The following HCRTR2 variants were observed in gnomAD, a reference collection of about 807,000 sequenced individuals.
HCRTR2 encodes the protein hypocretin receptor 2.
In HCRTR2, 22 loss-of-function variants were observed where a neutral mutation model predicts 49.0. The observed-to-expected ratio is 0.45, with a 90% CI of 0.32 to 0.64. The LOEUF (loss-of-function observed/expected upper bound fraction) is 0.64. HCRTR2 is among the 30% of genes least tolerant of loss of function. The pLI, the probability that HCRTR2 is intolerant of heterozygous loss-of-function variation, is 0.04. For synonymous variants in HCRTR2, 236 were observed against 205.3 expected (o/e 1.15, Z -1.28); for missense variants, 491 against 559.4 (o/e 0.88, Z 1.23).
intron 1 of HCRTR2, among the ~76,000 whole-genome samples, chr6:55,147,982 A>G (rs898555080): frequency 1.4e-5 from 2 of 148,130 alleles, no homozygotes; most frequent in African/African-American, 4.9e-5. Context: ...TGAAATCATG[A>G]TGGGAGGTAG....
At chr6:55,274,333 TTA>T (rs1226557752) in intron 4 of HCRTR2, among the ~76,000 whole-genome samples, 1 of 147,368 alleles carries the variant, frequency 6.8e-6, no homozygotes, top group Non-Finnish European at 1.5e-5. Context: ...ATATATATAC[TTA>T]TATATATATT....
intron 1 of HCRTR2, among the ~76,000 whole-genome samples, chr6:55,142,873 G>A (rs1484655233): frequency 1.3e-5 from 2 of 151,864 alleles, no homozygotes; most frequent in African/African-American, 4.8e-5. Flanking sequence ...AAAATTTAGG[G>A]TGAAGAAATA....
chr6:55,230,969 C>T (rs1264705781), intron 1 of HCRTR2, among the ~76,000 whole-genome samples: 1 of 151,964 alleles, frequency 6.6e-6, no homozygotes, highest in Non-Finnish European at 1.5e-5. Context: ...CTAATCTTTT[C>T]CATAATTAGC....
intron 1 of HCRTR2, among the ~76,000 whole-genome samples, chr6:55,166,517 A>G (rs1764880006): frequency 6.6e-6 from 1 of 152,026 alleles, no homozygotes; most frequent in Non-Finnish European, 1.5e-5. Flanking sequence ...ATGAAATATC[A>G]CTTTCCACCC....
At position 55,238,058 on chromosome 6, in the gene HCRTR2, T is replaced by C. The variant is rs148068283; in HGVS notation, c.224-10581T>C. 4.7e-4 allele frequency among the ~76,000 whole-genome samples: 71 copies of C among 152,272 alleles called. No homozygotes were observed. In the East Asian group the frequency reaches 0.014, roughly 29 times the overall value. ...TTATATCCCCTGGAGTATAGAACCA[T>C]AAATCTAAATGCCAACTGGGTATTG... On this transcript the variant is annotated intron_variant, in intron 1 of 6. Coordinates refer to ENST00000370862, the MANE Select transcript of HCRTR2 (RefSeq NM_001384272.1).
intron 1 of HCRTR2, among the ~76,000 whole-genome samples, chr6:55,244,901 C>T (rs796562485): frequency 2.7e-4 from 41 of 152,088 alleles, no homozygotes; most frequent in African/African-American, 9.9e-4. Context: ...TTTCCCAGCA[C>T]CATTTATTGA....
intron 1 of HCRTR2, among the ~76,000 whole-genome samples, chr6:55,132,710 A>G (rs1764375466): frequency 6.7e-6 from 1 of 149,716 alleles, no homozygotes; most frequent in African/African-American, 2.5e-5. Flanking sequence ...GTGGAGCCCT[A>G]CTCAGACCAA....
chr6:55,214,556 G>T (rs1309784936), intron 1 of HCRTR2, among the ~76,000 whole-genome samples: 1 of 151,568 alleles, frequency 6.6e-6, no homozygotes, highest in Non-Finnish European at 1.5e-5. Context: ...GTTCAGGCTG[G>T]ACTTGAACTA....
At chr6:55,181,873 T>A (rs1765139995) in intron 1 of HCRTR2, among the ~76,000 whole-genome samples, 1 of 152,224 alleles carries the variant, frequency 6.6e-6, no homozygotes, top group Admixed American at 6.5e-5. Flanking sequence ...CTTCATAAAC[T>A]TGTTAAACAT....
upstream of HCRTR2, among the ~76,000 whole-genome samples, chr6:55,169,593 T>C (rs560881832): frequency 6.6e-6 from 1 of 152,204 alleles, no homozygotes; most frequent in Admixed American, 6.6e-5. Flanking sequence ...GACCATATTG[T>C]TTTTTAAATG....
In HCRTR2 at chr6:55,248,130, C is replaced by A. The variant is rs79193290; in HGVS notation, c.224-509C>A. On this transcript the variant is annotated intron_variant, in intron 1 of 6. Transcript: ENST00000370862. ...ACATAAGTATATGAACCATCTAGCT[C>A]GGTATTTGGCAATGGTAGGAGCTGA... Among the ~76,000 whole-genome samples the A allele has an allele frequency of 1.2e-3, 179 of 152,150 alleles. 1 individual carries two copies. Among genetic ancestry groups the A allele is most frequent in the Non-Finnish European group, 7.4e-5 (5 of 68,000 alleles).
chr6:55,237,627 C>T (rs1323947414), intron 1 of HCRTR2, among the ~76,000 whole-genome samples: 1 of 152,146 alleles, frequency 6.6e-6, no homozygotes, highest in Non-Finnish European at 1.5e-5. Flanking sequence ...GGCTAAATGC[C>T]AGAGCATCTC....
At chr6:55,270,154 G>A (rs1766945698) in intron 4 of HCRTR2, among the ~76,000 whole-genome samples, 1 of 152,042 alleles carries the variant, frequency 6.6e-6, no homozygotes, top group Admixed American at 6.6e-5. Flanking sequence ...TTAAAAAGAT[G>A]CATTTATTAA....
At chr6:55,133,320 C>T (rs575352857) in intron 1 of HCRTR2, among the ~76,000 whole-genome samples, 1 of 151,674 alleles carries the variant, frequency 6.6e-6, no homozygotes, top group South Asian at 2.1e-4. Flanking sequence ...CATATTCTTC[C>T]CCCTTGCTTT....
intron 4 of HCRTR2, among the ~76,000 whole-genome samples, chr6:55,270,531 G>T (rs772128145): frequency 3.9e-5 from 6 of 152,134 alleles, no homozygotes; most frequent in Non-Finnish European, 7.4e-5. Context: ...AATTCTAGCT[G>T]CTCTAAAATC....
At chr6:55,165,455 T>C (rs967355328) in intron 1 of HCRTR2, among the ~76,000 whole-genome samples, 4 of 151,990 alleles carry the variant, frequency 2.6e-5, no homozygotes, top group Admixed American at 1.3e-4. Flanking sequence ...CTTTCTTGTG[T>C]CATATACATA....
chr6:55,258,359 T>C (rs1433609082), intron 3 of HCRTR2, among the ~76,000 whole-genome samples: 1 of 152,178 alleles, frequency 6.6e-6, no homozygotes, highest in African/African-American at 2.4e-5. Flanking sequence ...AGCAATTTGG[T>C]CAGTTGATAC....
chr6:55,186,780 T>C (rs1268133373), intron 1 of HCRTR2, among the ~76,000 whole-genome samples: 2 of 152,318 alleles, frequency 1.3e-5, no homozygotes, highest in Non-Finnish European at 2.9e-5. Context: ...GTACTTTCTA[T>C]AATAAAAAGG....
chr6:55,199,365 T>G (rs953239731), intron 1 of HCRTR2, among the ~76,000 whole-genome samples: 5 of 152,036 alleles, frequency 3.3e-5, no homozygotes, highest in Admixed American at 2.6e-4. Context: ...AAGGGGAGGA[T>G]TGAATTATTT....
Sources: gnomAD v4.1 joint callset for allele counts (sites outside exome capture counted in the v4.1 genomes callset) on GRCh38, gnomAD v4.1.1 for gene constraint, MANE v1.5 for transcripts, NCBI Gene and HGNC (gene_info 2026-07-23, HGNC 2026-07-21) for gene names.